Variants in PCDHA9 observed in about 807,000 individuals in gnomAD.
The protein encoded by PCDHA9 is protocadherin alpha 9, also known as protocadherin alpha-9.
PCDHA9 carries 62 observed loss-of-function variants against 62.0 expected under a neutral mutation model. The ratio of observed to expected loss-of-function variants is 1.00; its 90% CI spans 0.81 to 1.23. The LOEUF is 1.23. Ranked by LOEUF, PCDHA9 falls within the 50% of genes most tolerant of loss-of-function variation. The pLI is 0.00. For missense variants in PCDHA9, 1,205 were observed against 1,249.8 expected (o/e 0.96, Z 0.54); for synonymous variants, 557 against 567.6 (o/e 0.98, Z 0.27).
intron 1 of PCDHA9, chr5:140,858,792 T>C (rs1554152021): frequency 2.6e-6 from 1 of 385,722 alleles, no homozygotes; most frequent in Admixed American, 4.5e-5. Context: ...GTTATTTCAT[T>C]TCCAATCTAA....
chr5:141,009,571 T>C, intron 3 of PCDHA9, 56 bp from the exon 4 acceptor site: 10 of 1,578,600 alleles, frequency 6.3e-6, no homozygotes, highest in Non-Finnish European at 7.7e-6. Context: ...ACCAGCAGTG[T>C]GGCATCAAGA....
intron 1 of PCDHA9, chr5:140,884,247 C>T: frequency 6.2e-7 from 1 of 1,613,398 alleles, no homozygotes. Context: ...CCCGCGCTGA[C>T]GGCCACGGCA....
chr5:140,926,054 T>C (rs1018660828), intron 1 of PCDHA9, among the ~76,000 whole-genome samples: 1 of 152,182 alleles, frequency 6.6e-6, no homozygotes, highest in Non-Finnish European at 1.5e-5. Flanking sequence ...CCCAACCTTC[T>C]TCCCCTCCTT....
At chr5:140,915,204 C>T (rs2077022161) in intron 1 of PCDHA9, among the ~76,000 whole-genome samples, 1 of 152,236 alleles carries the variant, frequency 6.6e-6, no homozygotes, top group East Asian at 1.9e-4. Flanking sequence ...ATCTTGGCCT[C>T]CCAAAGTGCT....
In PCDHA9 at chr5:141,009,754, C is replaced by A. The variant is rs200585286; in HGVS notation, c.2670C>A (p.Ile890=). 18 of 1,614,022 alleles carry A rather than the reference C, an allele frequency of 1.1e-5. No individual in the cohort carries two copies. Among genetic ancestry groups the A allele is most frequent in the Non-Finnish European group, 1.5e-5 (18 of 1,180,034 alleles). ...GTGAGTTGCCCGACAAATTCATTAT[C>A]CCAGGATCTCCTGCAATCATCTCCA... The part of the protein sequence containing the change: ...GPGELPDKFI[I]PGSPAIISIR... The change falls in exon 4 of 4, where the codon ATC becomes ATA. Residue 890 remains isoleucine, a synonymous_variant. Coordinates refer to ENST00000532602, the MANE Select transcript of PCDHA9 (RefSeq NM_031857.2).
At chr5:140,939,317 A>T (rs2092365663) in intron 1 of PCDHA9, among the ~76,000 whole-genome samples, 1 of 152,148 alleles carries the variant, frequency 6.6e-6, no homozygotes, top group Admixed American at 6.5e-5. Flanking sequence ...CTACCTCCTA[A>T]TATCATAATC....
chr5:140,857,165 G>A (rs1554149609), intron 1 of PCDHA9: 2 of 1,598,302 alleles, frequency 1.3e-6, no homozygotes, highest in African/African-American at 2.7e-5. Flanking sequence ...CCTAATCAGC[G>A]TTTCTGACCA....
chr5:140,950,028 A>G (rs1288516742), intron 1 of PCDHA9, among the ~76,000 whole-genome samples: 6 of 151,954 alleles, frequency 3.9e-5, no homozygotes, highest in Non-Finnish European at 8.8e-5. Flanking sequence ...TAAAATATAG[A>G]AAAGTTACAA....
Position 140,928,756 on chromosome 5 carries a change from C to T in PCDHA9, c.2395-50193C>T. 2.5e-6 allele frequency: 4 copies of T among 1,614,164 alleles called. No individual in the cohort carries two copies. The highest frequency in any genetic ancestry group is 3.4e-6 in the Non-Finnish European group (4 of 1,180,032). On this transcript the variant is annotated intron_variant, in intron 1 of 3. Transcript: ENST00000532602. The stretch of plus-strand genomic sequence containing the variant: ...CAATATAGGTGAGCTCCGTACTGCT[C>T]GCTTAGTTCTTCCCACTGATGCAGT...
At chr5:141,003,368 G>C (rs2098121009) in intron 3 of PCDHA9, among the ~76,000 whole-genome samples, 1 of 152,190 alleles carries the variant, frequency 6.6e-6, no homozygotes, top group Non-Finnish European at 1.5e-5. Flanking sequence ...CTGGAGTGCA[G>C]TGGTGCAATC....
intron 3 of PCDHA9, among the ~76,000 whole-genome samples, chr5:140,998,586 CAG>C (rs1340236276): frequency 1.4e-5 from 2 of 147,292 alleles, no homozygotes; most frequent in African/African-American, 5.1e-5. Context: ...TTTTTTGAGA[CAG>C]AGTTTTGCTC....
intron 3 of PCDHA9, among the ~76,000 whole-genome samples, chr5:141,005,586 C>T (rs1428172819): frequency 6.6e-6 from 1 of 150,712 alleles, no homozygotes; most frequent in Non-Finnish European, 1.5e-5. Flanking sequence ...CCTGTAGTCC[C>T]AGCTACACAG....
At chr5:140,922,371 T>G (rs1194947703) in intron 1 of PCDHA9, among the ~76,000 whole-genome samples, 1 of 152,204 alleles carries the variant, frequency 6.6e-6, no homozygotes, top group Non-Finnish European at 1.5e-5. Context: ...CTCACTGAGA[T>G]GCAAAACCAA....
intron 1 of PCDHA9, chr5:140,853,980 G>A: frequency 1.8e-6 from 1 of 544,346 alleles, no homozygotes; most frequent in Non-Finnish European, 2.4e-6. Flanking sequence ...TGAGACCAAT[G>A]TAGTGAGACT....
intron 1 of PCDHA9, chr5:140,858,292 C>T (rs1554151391): frequency 6.3e-7 from 1 of 1,597,508 alleles, no homozygotes; most frequent in East Asian, 2.2e-5. Context: ...GCTGGTCTTA[C>T]TCGCAGCAGA....
chr5:140,944,182 GTTTGT>G (rs750577669), intron 1 of PCDHA9, among the ~76,000 whole-genome samples: 4 of 152,050 alleles, frequency 2.6e-5, no homozygotes, highest in African/African-American at 2.4e-5. Context: ...TTTTTTGTTG[GTTTGT>G]TTTGTTTTGT....
At chr5:140,978,716 T>C (rs1317618418) in intron 1 of PCDHA9, among the ~76,000 whole-genome samples, 2 of 152,252 alleles carry the variant, frequency 1.3e-5, no homozygotes, top group African/African-American at 4.8e-5. Flanking sequence ...CTTTACAAGA[T>C]TATTAAATCT....
intron 3 of PCDHA9, among the ~76,000 whole-genome samples, chr5:140,996,991 T>C (rs191353108): frequency 1.6e-4 from 25 of 152,346 alleles, no homozygotes; most frequent in African/African-American, 5.3e-4. Flanking sequence ...GCAACCACTG[T>C]TAACAATTTT....
chr5:140,908,442 T>A (rs2073975632), intron 1 of PCDHA9, among the ~76,000 whole-genome samples: 1 of 152,160 alleles, frequency 6.6e-6, no homozygotes, highest in Non-Finnish European at 1.5e-5. Flanking sequence ...CACCCCACTT[T>A]ATGGCTAGAT....
Sources: gnomAD v4.1 joint callset for allele counts (sites outside exome capture counted in the v4.1 genomes callset) on GRCh38, gnomAD v4.1.1 for gene constraint, MANE v1.5 for transcripts, NCBI Gene and HGNC (gene_info 2026-07-23, HGNC 2026-07-21) for gene names.